Variants in NOS1 observed in about 807,000 individuals in gnomAD.
The protein encoded by NOS1 is nitric oxide synthase 1, also known as NOS type I.
NOS1 carries 51 observed loss-of-function variants against 164.5 expected under a neutral mutation model. The observed-to-expected ratio is 0.31, with a 90% confidence interval of 0.25 to 0.39. The LOEUF (loss-of-function observed/expected upper bound fraction) is 0.39. Ranked by LOEUF, NOS1 falls within the 10% of genes least tolerant of loss-of-function variation. The pLI is 1.00. For missense variants in NOS1, 1,362 were observed against 1,885.6 expected (o/e 0.72, Z 5.14); for synonymous variants, 719 against 745.8 (o/e 0.96, Z 0.59).
chr12:117,247,877 C>T (rs898408893), intron 17 of NOS1, among the ~76,000 whole-genome samples: 9 of 148,910 alleles, frequency 6.0e-5, no homozygotes, highest in African/African-American at 1.3e-4. Context: ...ACCCGGGAGG[C>T]GGAGCTTATA....
intron 22 of NOS1, among the ~76,000 whole-genome samples, chr12:117,230,662 T>C (rs545682317): frequency 2.0e-5 from 3 of 152,244 alleles, no homozygotes; most frequent in Non-Finnish European, 4.4e-5. Context: ...TGAGCAAGGC[T>C]TTGCAGTGGG....
intron 1 of NOS1, among the ~76,000 whole-genome samples, chr12:117,352,944 T>C (rs1876691720): frequency 6.6e-6 from 1 of 152,180 alleles, no homozygotes; most frequent in South Asian, 2.1e-4. Flanking sequence ...CCATAAACTT[T>C]CAACTTAATT....
chr12:117,277,561 T>A (rs1873286881), intron 9 of NOS1, among the ~76,000 whole-genome samples: 1 of 151,690 alleles, frequency 6.6e-6, no homozygotes, highest in South Asian at 2.1e-4. Context: ...GCCACTGCAC[T>A]CCAGCCTGGG....
chr12:117,331,724 G>A (rs1230897233), intron 1 of NOS1, among the ~76,000 whole-genome samples: 2 of 152,092 alleles, frequency 1.3e-5, no homozygotes, highest in Non-Finnish European at 2.9e-5. Context: ...AAGCCCTCTG[G>A]GACAAAAGGG....
chr12:117,216,269 A>G (rs896657730), intron 28 of NOS1, among the ~76,000 whole-genome samples: 1 of 143,364 alleles, frequency 7.0e-6, no homozygotes, highest in African/African-American at 2.6e-5. Context: ...TGCAAGCTCC[A>G]CCTCCCAGGT....
intron 20 of NOS1, among the ~76,000 whole-genome samples, chr12:117,240,941 CTTTTTTT>C (rs11398507): frequency 1.4e-5 from 2 of 138,976 alleles, no homozygotes; most frequent in African/African-American, 5.3e-5. Context: ...TTTTCTTTTT[CTTTTTTT>C]TTTTTTTTTG....
intron 16 of NOS1, among the ~76,000 whole-genome samples, chr12:117,256,386 CT>C (rs1871457325): frequency 6.7e-6 from 1 of 150,172 alleles, no homozygotes; most frequent in African/African-American, 2.5e-5. Flanking sequence ...TCAAGTGATT[CT>C]CCTGCCTCAG....
At chr12:117,337,102 TA>T (rs1875856953) in intron 1 of NOS1, among the ~76,000 whole-genome samples, 1 of 140,488 alleles carries the variant, frequency 7.1e-6, no homozygotes, top group Admixed American at 7.6e-5. Context: ...AGCTGCTTTT[TA>T]CTCTTTTTTT....
chr12:117,286,526 G>A (rs1352191585), intron 5 of NOS1, among the ~76,000 whole-genome samples: 1 of 152,134 alleles, frequency 6.6e-6, no homozygotes, highest in Non-Finnish European at 1.5e-5. Context: ...GTCCAAAGCG[G>A]GCAGCCACGG....
intron 20 of NOS1, among the ~76,000 whole-genome samples, chr12:117,236,622 CAG>C (rs1869738260): frequency 1.3e-5 from 2 of 152,156 alleles, no homozygotes; most frequent in Non-Finnish European, 2.9e-5. Context: ...ACAACACCTC[CAG>C]AGAGCTGCAA....
intron 9 of NOS1, among the ~76,000 whole-genome samples, chr12:117,273,204 G>T (rs563307770): frequency 6.6e-6 from 1 of 152,204 alleles, no homozygotes; most frequent in African/African-American, 2.4e-5. Flanking sequence ...GTAATTATGT[G>T]TGTAAGAACT....
chr12:117,313,093 C>T (rs919917466), intron 2 of NOS1, among the ~76,000 whole-genome samples: 1 of 152,130 alleles, frequency 6.6e-6, no homozygotes, highest in African/African-American at 2.4e-5. Flanking sequence ...TGATCAGTGC[C>T]ATCACCTTCA....
At chr12:117,318,591 C>T (rs973780453) in intron 2 of NOS1, among the ~76,000 whole-genome samples, 1 of 152,202 alleles carries the variant, frequency 6.6e-6, no homozygotes, top group African/African-American at 2.4e-5. Context: ...TTCCTAAGAA[C>T]CAGGTTCCCC....
intron 3 of NOS1, among the ~76,000 whole-genome samples, chr12:117,308,566 C>T (rs1387875488): frequency 2.0e-5 from 3 of 151,046 alleles, no homozygotes; most frequent in Non-Finnish European, 4.4e-5. Flanking sequence ...AAAAAAAAAA[C>T]AGCGTATAGG....
At chr12:117,270,588 A>G (rs1316665941) in intron 10 of NOS1, among the ~76,000 whole-genome samples, 2 of 152,114 alleles carry the variant, frequency 1.3e-5, no homozygotes, top group African/African-American at 4.8e-5. Context: ...GAACAATGCT[A>G]TTGTTATTCT....
At chr12:117,337,638 CAAATATCACGTCACCTTTTG>C (rs1332320080) in intron 1 of NOS1, among the ~76,000 whole-genome samples, 1 of 152,058 alleles carries the variant, frequency 6.6e-6, no homozygotes, top group African/African-American at 2.4e-5. Flanking sequence ...AGAGGGTTTG[CAAATATCACGTCACCTTTTG>C]AAACTGACCT....
At chr12:117,236,510 T>C (rs970529558) in intron 20 of NOS1, among the ~76,000 whole-genome samples, 17 of 152,054 alleles carry the variant, frequency 1.1e-4, no homozygotes, top group African/African-American at 4.1e-4. Context: ...GAGTCTGGAG[T>C]CCCACTGGCC....
At chr12:117,313,140 T>TC (rs1874514630) in intron 2 of NOS1, among the ~76,000 whole-genome samples, 1 of 152,074 alleles carries the variant, frequency 6.6e-6, no homozygotes, top group African/African-American at 2.4e-5. Flanking sequence ...TTCTTCCTCC[T>TC]CCTCGGCATC....
intron 3 of NOS1, among the ~76,000 whole-genome samples, chr12:117,299,508 G>C (rs35236225): frequency 1.3e-5 from 2 of 151,716 alleles, no homozygotes; most frequent in African/African-American, 4.8e-5. Flanking sequence ...GCGTGGTGGC[G>C]GGCGCCTGTA....
Sources: gnomAD v4.1 joint callset for allele counts (sites outside exome capture counted in the v4.1 genomes callset) on GRCh38, gnomAD v4.1.1 for gene constraint, MANE v1.5 for transcripts, NCBI Gene and HGNC (gene_info 2026-07-23, HGNC 2026-07-21) for gene names.